The following GCLC variants were observed in gnomAD, a reference collection of about 807,000 sequenced individuals.
GCLC encodes the protein glutamate--cysteine ligase catalytic subunit.
In GCLC, 30 loss-of-function variants were observed where a neutral mutation model predicts 81.5. The ratio of observed to expected loss-of-function variants is 0.37; its 90% CI spans 0.28 to 0.50. The LOEUF (loss-of-function observed/expected upper bound fraction) is 0.50, where lower values mean the gene tolerates loss of function less well. Ranked by LOEUF, GCLC falls within the 20% of genes least tolerant of loss-of-function variation. GCLC has a pLI of 0.96. For synonymous variants in GCLC, 262 were observed against 273.3 expected, an observed-to-expected ratio of 0.96 and a Z score of 0.41; for missense variants, 556 against 777.4, an observed-to-expected ratio of 0.72 and a Z score of 3.39.
intron 2 of GCLC, among the ~76,000 whole-genome samples, chr6:53,521,518 A>G (rs1390548159): frequency 6.6e-6 from 1 of 151,922 alleles, no homozygotes; most frequent in African/African-American, 2.4e-5. Flanking sequence ...AAACTAACCT[A>G]CTCTGCAGAG....
At chr6:53,508,745 C>T (rs1412890349) in intron 7 of GCLC, 34 bp from the exon 8 acceptor site, 2 of 1,372,632 alleles carry the variant, frequency 1.5e-6, no homozygotes, top group South Asian at 2.3e-5. Context: ...CCTGCAAATT[C>T]AAAGTGTCAC....
intron 1 of GCLC, among the ~76,000 whole-genome samples, chr6:53,527,070 T>C (rs1448677219): frequency 6.6e-6 from 1 of 152,126 alleles, no homozygotes. Context: ...ACCAAGCCCT[T>C]CAGGGACTAT....
chr6:53,530,452 C>G lies in GCLC; in HGVS notation c.151-7925G>C, dbSNP rs1269074703. 8.5e-5 allele frequency among the ~76,000 whole-genome samples: 13 copies of G among 152,272 alleles called. No homozygotes were observed. The East Asian group carries it at 2.3e-3, about 27-fold the overall frequency. On this transcript the variant is annotated intron_variant, in intron 1 of 15. Transcript: ENST00000650454. ...AATTCATGCTAAAGGATGAAAATCT[C>G]AGATAAGTTAAAGCTCCTGACTTGG... is the stretch of plus-strand genomic sequence containing the variant.
At chr6:53,530,749 CTA>C (rs1244814744) in intron 1 of GCLC, among the ~76,000 whole-genome samples, 1 of 152,044 alleles carries the variant, frequency 6.6e-6, no homozygotes, top group Non-Finnish European at 1.5e-5. Context: ...GAATTACCTG[CTA>C]TGGGGTACCA....
chr6:53,507,683 A>G (rs941430481), intron 8 of GCLC, 65 bp from the exon 9 acceptor site: 14 of 674,680 alleles, frequency 2.1e-5, no homozygotes, highest in Middle Eastern at 4.1e-4. Flanking sequence ...ATTTTTATAT[A>G]TGATAATTAT....
intron 1 of GCLC, among the ~76,000 whole-genome samples, chr6:53,538,081 T>C (rs1279232445): frequency 6.6e-6 from 1 of 151,922 alleles, no homozygotes; most frequent in African/African-American, 2.4e-5. Flanking sequence ...ACTGTATTTT[T>C]AAATAGGATC....
chr6:53,523,912 C>T (rs1763039650), intron 1 of GCLC: 1 of 151,704 alleles, frequency 6.6e-6, no homozygotes, highest in South Asian at 2.1e-4. Context: ...TTTGGGTACA[C>T]GAACCAGAAA....
rs1053445914 is a variant in GCLC, at chr6:53,497,540, T to C, written c.*1216A>G. 6.6e-6 allele frequency: 1 copy of C among 152,590 alleles called. No individual in the cohort carries two copies. The highest frequency in any genetic ancestry group is 1.5e-5 in the Non-Finnish European group (1 of 68,038). 9.5% of individuals were successfully genotyped at this position (152,590 alleles called of 1,614,324 possible). A position where few individuals can be genotyped will look rare whatever the true frequency, so the allele number is the denominator to read the frequency against. On this transcript the variant is annotated 3_prime_UTR_variant, in exon 16 of 16. Transcript: ENST00000650454. The stretch of plus-strand genomic sequence containing the variant: ...AACAGGGTTAGCTGAAGCAGCTTTA[T>C]TGCAATCTCTTCAAGTTAGCATATT...
At position 53,506,536 on chromosome 6, in the gene GCLC, G is replaced by A. The variant is rs1168138256; in HGVS notation, c.1197+377C>T. On this transcript the variant is annotated intron_variant, in intron 10 of 15. Coordinates refer to ENST00000650454, the MANE Select transcript of GCLC (RefSeq NM_001498.4). The surrounding 1 kb of genome is among the most constrained non-coding windows in gnomAD (Gnocchi z 4.0). Reference sequence around the variant, plus strand: ...TGACACAGAAATAAATCTATGAGAAGTCTATCTACAAAAAAAAAAGGTGAT... The same window carrying A: ...TGACACAGAAATAAATCTATGAGAAATCTATCTACAAAAAAAAAAGGTGAT... 2.0e-5 allele frequency: 5 copies of A among 253,266 alleles called. No individual in the cohort carries two copies. Among genetic ancestry groups the A allele is most frequent in the African/African-American group, 9.3e-5 (4 of 42,782 alleles). The allele number at this position is 253,266 out of a possible 1,614,324, so 15.7% of individuals were successfully genotyped here. A position where few individuals can be genotyped will look rare whatever the true frequency, so the allele number is the denominator to read the frequency against.
At chr6:53,539,088 T>G (rs1432224832) in intron 1 of GCLC, among the ~76,000 whole-genome samples, 1 of 152,194 alleles carries the variant, frequency 6.6e-6, no homozygotes, top group East Asian at 1.9e-4. Context: ...TTTGTTACAT[T>G]TACATCATAG....
At chr6:53,514,585 G>T in intron 4 of GCLC, 88 bp from the exon 5 acceptor site, 1 of 922,224 alleles carries the variant, frequency 1.1e-6, no homozygotes, top group Non-Finnish European at 1.8e-6. Flanking sequence ...TAAGTGGAAT[G>T]AAATCATACC....
chr6:53,535,709 A>G (rs920444731), intron 1 of GCLC, among the ~76,000 whole-genome samples: 3 of 152,210 alleles, frequency 2.0e-5, no homozygotes, highest in Non-Finnish European at 4.4e-5. Flanking sequence ...CGGCACATAA[A>G]AAGATACTCA....
At position 53,508,680 on chromosome 6, in the gene GCLC, C is replaced by G. The variant is rs371865633; in HGVS notation, c.860G>C (p.Arg287Pro). The G allele has an allele frequency of 1.9e-6, 3 of 1,613,508 alleles. No individual in the cohort carries two copies. Among genetic ancestry groups the G allele is most frequent in the Non-Finnish European group, 2.5e-6 (3 of 1,179,554 alleles). ...ACAATCAATGTCTGACACATAGCCTCGGTAAAAGGGAGATGCAGCACTCAA... is the reference window on the plus strand; with the variant it reads ...ACAATCAATGTCTGACACATAGCCTGGGTAAAAGGGAGATGCAGCACTCAA... ...MALSAASPFYRGYVSDIDCRW... is the reference protein window; with the variant it reads ...MALSAASPFYPGYVSDIDCRW... Residue 287 changes from arginine (R) to proline (P), a missense_variant, in exon 8 of 16, where the codon CGA (arginine) becomes CCA (proline). Arg to Pro is a moderately radical substitution (Grantham distance 103, BLOSUM62 -2). Around this residue, in one of 3 missense-constraint regions of GCLC, gnomAD observed 313 missense variants for 437.3 expected, o/e 0.72. Transcript: ENST00000650454.
intron 12 of GCLC, among the ~76,000 whole-genome samples, chr6:53,504,835 T>C (rs926746891): frequency 2.6e-5 from 4 of 152,150 alleles, no homozygotes; most frequent in African/African-American, 4.8e-5. Context: ...TTTAGCAGTT[T>C]TTCCCAGCCA....
At chr6:53,503,537 A>T (rs1581728305) in intron 12 of GCLC, among the ~76,000 whole-genome samples, 5 of 152,338 alleles carry the variant, frequency 3.3e-5, no homozygotes, top group Admixed American at 2.6e-4. Context: ...ACCTCTCGAG[A>T]TTCTGAAAAC....
At chr6:53,525,760 T>C (rs1214042374) in intron 1 of GCLC, among the ~76,000 whole-genome samples, 1 of 152,048 alleles carries the variant, frequency 6.6e-6, no homozygotes, top group African/African-American at 2.4e-5. Context: ...AATTAACATA[T>C]CATCTTGGAA....
rs1192215898 is a variant in GCLC at position 53,544,952 on chromosome 6, TGCGGCGGCGGCGGACCCCACGGCCGC to T, written c.-333_-308del. The T allele has an allele frequency of 2.0e-4, 42 of 214,042 alleles. 1 individual carries two copies. In the East Asian group the frequency reaches 3.4e-3, roughly 17 times the overall value. 13.3% of individuals were successfully genotyped at this position (214,042 alleles called of 1,614,324 possible). A position where few individuals can be genotyped will look rare whatever the true frequency, so the allele number is the denominator to read the frequency against. Reference sequence around the variant, plus strand: ...CCCGCTGCTCCTCCTCCCGCTCCGATGCGGCGGCGGCGGACCCCACGGCCGCGCTGCCGCGGCGGCTCCCGCTTCTC... The same window carrying T: ...CCCGCTGCTCCTCCTCCCGCTCCGATGCTGCCGCGGCGGCTCCCGCTTCTC... On this transcript the variant is annotated 5_prime_UTR_variant, in exon 1 of 16. Transcript: ENST00000650454.
chr6:53,532,658 G>C (rs1763192826), intron 1 of GCLC, among the ~76,000 whole-genome samples: 1 of 152,094 alleles, frequency 6.6e-6, no homozygotes, highest in African/African-American at 2.4e-5. Context: ...ATTTTTACTA[G>C]TTTCCTGGAA....
chr6:53,513,038 T>C (rs1222881157), intron 6 of GCLC: 2 of 152,232 alleles, frequency 1.3e-5, no homozygotes, highest in Admixed American at 1.3e-4. Flanking sequence ...TCACATATCT[T>C]ATACTACCTA....
Sources: allele counts gnomAD v4.1 joint callset (sites outside exome capture counted in the v4.1 genomes callset), GRCh38; gene constraint gnomAD v4.1.1; regional missense constraint gnomAD v4.1.1; non-coding constraint Gnocchi (gnomAD v3.1); transcripts MANE v1.5; gene names NCBI Gene and HGNC (gene_info 2026-07-23, HGNC 2026-07-21).